Variants in LDLRAD3 observed in about 807,000 individuals in gnomAD.
LDLRAD3 encodes low-density lipoprotein receptor class A domain-containing protein 3.
LDLRAD3 carries 20 observed loss-of-function variants against 29.4 expected under a neutral mutation model. That is an observed-to-expected ratio of 0.68 (90% confidence interval 0.48 to 0.99). LDLRAD3 has a LOEUF of 0.99. Among genes scored for constraint, LDLRAD3 ranks in the 50% least tolerant of loss-of-function variants. The probability of loss-of-function intolerance (pLI) is 0.00; values close to 1 mark genes in which losing one functional copy is unlikely to be tolerated. For synonymous variants in LDLRAD3, 157 were observed against 192.7 expected (o/e 0.81, Z 1.53); for missense variants, 420 against 454.3 (o/e 0.92, Z 0.69).
At chr11:36,129,306 G>A (rs1040672140) in intron 4 of LDLRAD3, among the ~76,000 whole-genome samples, 5 of 152,216 alleles carry the variant, frequency 3.3e-5, no homozygotes, top group Admixed American at 1.3e-4. Flanking sequence ...CGATGGCAGA[G>A]GCTGCTGCAA....
chr11:36,190,241 A>C (rs1253224060), intron 4 of LDLRAD3, among the ~76,000 whole-genome samples: 2 of 152,214 alleles, frequency 1.3e-5, no homozygotes, highest in Admixed American at 6.5e-5. Flanking sequence ...ACAGGAAAGG[A>C]CTCATAGAAA....
chr11:36,020,678 T>G (rs1852084261), intron 1 of LDLRAD3, among the ~76,000 whole-genome samples: 1 of 152,096 alleles, frequency 6.6e-6, no homozygotes. Context: ...ATAAGTTATG[T>G]TGAGAGGTCT....
intron 4 of LDLRAD3, among the ~76,000 whole-genome samples, chr11:36,145,367 G>C (rs1295940640): frequency 1.1e-5 from 1 of 91,560 alleles, no homozygotes; most frequent in Admixed American, 9.2e-5. Flanking sequence ...CAGCCGCCCC[G>C]TCTGGGAGGG....
At chr11:36,199,108 G>C (rs1344659502) in intron 4 of LDLRAD3, among the ~76,000 whole-genome samples, 1 of 152,058 alleles carries the variant, frequency 6.6e-6, no homozygotes, top group East Asian at 1.9e-4. Context: ...CACCTTATTA[G>C]CCAGGATGGT....
At chr11:36,145,155 T>G (rs1209427217) in intron 4 of LDLRAD3, among the ~76,000 whole-genome samples, 1 of 86,808 alleles carries the variant, frequency 1.2e-5, no homozygotes, top group Non-Finnish European at 2.3e-5. Context: ...GGGAGGGAGG[T>G]GGGGGGGTCA....
chr11:36,101,035 T>C (rs548936439), intron 4 of LDLRAD3, among the ~76,000 whole-genome samples: 22 of 152,202 alleles, frequency 1.4e-4, no homozygotes, highest in Non-Finnish European at 4.4e-5. Flanking sequence ...AAGTTAGTGG[T>C]GGACACATAC....
At chr11:36,174,777 C>T (rs577633953) in intron 4 of LDLRAD3, among the ~76,000 whole-genome samples, 3 of 152,068 alleles carry the variant, frequency 2.0e-5, no homozygotes, top group South Asian at 4.1e-4. Context: ...GTCAGGAGAT[C>T]GAGACCATCC....
chr11:36,188,151 C>T (rs1452935871), intron 4 of LDLRAD3, among the ~76,000 whole-genome samples: 2 of 151,752 alleles, frequency 1.3e-5, no homozygotes, highest in Non-Finnish European at 2.9e-5. Flanking sequence ...GATTGGTCAC[C>T]GCAGCACAGG....
intron 4 of LDLRAD3, among the ~76,000 whole-genome samples, chr11:36,155,118 T>G (rs1012382646): frequency 1.3e-5 from 2 of 152,308 alleles, no homozygotes; most frequent in South Asian, 4.1e-4. Context: ...TCTCATTGAT[T>G]AGGAATTAAT....
intron 1 of LDLRAD3, among the ~76,000 whole-genome samples, chr11:35,984,271 C>T (rs890848504): frequency 2.0e-5 from 3 of 152,184 alleles, no homozygotes; most frequent in Admixed American, 2.0e-4. Flanking sequence ...TGACCGCCCA[C>T]AATGCATTAG....
chr11:35,990,256 CT>C (rs1565146524), intron 1 of LDLRAD3, among the ~76,000 whole-genome samples: 1 of 152,174 alleles, frequency 6.6e-6, no homozygotes, highest in African/African-American at 2.4e-5. Flanking sequence ...ACTTTACTCT[CT>C]CACAGTTGTG....
chr11:35,970,311 GT>G (rs1851396186), intron 1 of LDLRAD3, among the ~76,000 whole-genome samples: 1 of 147,514 alleles, frequency 6.8e-6, no homozygotes, highest in African/African-American at 2.5e-5. Flanking sequence ...CATGACTGGT[GT>G]CTTTGTAATA....
At chr11:36,096,643 T>C (rs772002032) in intron 3 of LDLRAD3, among the ~76,000 whole-genome samples, 14 of 152,282 alleles carry the variant, frequency 9.2e-5, no homozygotes, top group Middle Eastern at 3.2e-3. Context: ...TCATTTGATG[T>C]GCAGATTAAT....
chr11:35,975,111 A>C (rs775745271), intron 1 of LDLRAD3, among the ~76,000 whole-genome samples: 1 of 152,116 alleles, frequency 6.6e-6, no homozygotes, highest in Non-Finnish European at 1.5e-5. Context: ...CTTGATACAT[A>C]TGCTGCCTGC....
intron 1 of LDLRAD3, among the ~76,000 whole-genome samples, chr11:35,995,090 G>A (rs186918913): frequency 2.4e-4 from 37 of 152,292 alleles, no homozygotes; most frequent in African/African-American, 8.2e-4. Flanking sequence ...TGTTCTTAAT[G>A]TCATCTGAAA....
chr11:36,140,071 A>G (rs1854059502), intron 4 of LDLRAD3, among the ~76,000 whole-genome samples: 1 of 152,234 alleles, frequency 6.6e-6, no homozygotes, highest in Non-Finnish European at 1.5e-5. Context: ...AGCCATGAAA[A>G]GAACAGTCAG....
intron 1 of LDLRAD3, among the ~76,000 whole-genome samples, chr11:35,999,762 C>T (rs1851800149): frequency 6.6e-6 from 1 of 152,164 alleles, no homozygotes; most frequent in South Asian, 2.1e-4. Flanking sequence ...ATCAAAGGCC[C>T]CCTGTGGTGC....
intron 4 of LDLRAD3, among the ~76,000 whole-genome samples, chr11:36,158,112 A>C (rs1475783433): frequency 1.3e-5 from 2 of 152,006 alleles, no homozygotes; most frequent in African/African-American, 4.8e-5. Context: ...CCACTATGTT[A>C]GTTTCTGTAC....
At chr11:36,071,204 A>G (rs1332612824) in intron 2 of LDLRAD3, among the ~76,000 whole-genome samples, 1 of 152,200 alleles carries the variant, frequency 6.6e-6, no homozygotes, top group Non-Finnish European at 1.5e-5. Flanking sequence ...GAACCATGGG[A>G]TGATCTCAGC....
Sources: gnomAD v4.1 joint callset for allele counts (sites outside exome capture counted in the v4.1 genomes callset) on GRCh38, gnomAD v4.1.1 for gene constraint, MANE v1.5 for transcripts, NCBI Gene and HGNC (gene_info 2026-07-23, HGNC 2026-07-21) for gene names.